COL6A5: variants seen among roughly 807,000 people sequenced by gnomAD.
COL6A5 encodes the protein collagen alpha-5(VI) chain.
Under a neutral mutation model 65.6 loss-of-function variants are expected in COL6A5, and 48 were observed. The ratio of observed to expected loss-of-function variants is 0.73; its 90% CI spans 0.58 to 0.93. The LOEUF (loss-of-function observed/expected upper bound fraction) is 0.93. Ranked by LOEUF, COL6A5 falls within the 40% of genes least tolerant of loss-of-function variation. The pLI is 0.00. For synonymous variants in COL6A5, 291 were observed against 322.8 expected (o/e 0.90, Z 1.05); for missense variants, 914 against 928.3 (o/e 0.98, Z 0.20).
exon 1 of COL6A5, chr3:130,345,876 C>G: frequency 2.5e-6 from 1 of 398,560 alleles, no homozygotes; most frequent in Non-Finnish European, 4.4e-6. Flanking sequence ...CCGCGGGCGC[C>G]CGAGAGGCGC....
intron 13 of COL6A5, among the ~76,000 whole-genome samples, chr3:130,404,703 G>A (rs1936926494): frequency 6.6e-6 from 1 of 152,218 alleles, no homozygotes; most frequent in African/African-American, 2.4e-5. Context: ...TCAGCAACCT[G>A]TGGCCATGGG....
chr3:130,400,056 C>T (rs187689121), intron 10 of COL6A5, among the ~76,000 whole-genome samples: 16 of 152,338 alleles, frequency 1.1e-4, no homozygotes, highest in Admixed American at 1.0e-3. Flanking sequence ...AGCCACTGTG[C>T]CTGGTCCCCA....
intron 5 of COL6A5, among the ~76,000 whole-genome samples, chr3:130,455,913 C>G (rs1246388417): frequency 2.6e-5 from 4 of 152,104 alleles, no homozygotes; most frequent in East Asian, 3.9e-4. Context: ...TAAGATTTCT[C>G]TAGCATCCAC....
intron 6 of COL6A5, 115 bp from the exon 7 acceptor site, chr3:130,391,064 T>G: frequency 2.8e-6 from 2 of 723,762 alleles, no homozygotes. Context: ...CTAAGTGAGA[T>G]ATAGTGTCTG....
chr3:130,375,474 A>G (rs1935729572), intron 2 of COL6A5, among the ~76,000 whole-genome samples: 2 of 151,854 alleles, frequency 1.3e-5, no homozygotes, highest in African/African-American at 4.8e-5. Context: ...TTTCTCTTAC[A>G]TTGCGCGCCC....
chr3:130,473,012 TATAGGAAAA>T (rs1262527825), intron 7 of COL6A5, among the ~76,000 whole-genome samples: 18 of 149,592 alleles, frequency 1.2e-4, no homozygotes, highest in Non-Finnish European at 1.9e-4. Context: ...GAGAAGTGAA[TATAGGAAAA>T]ATAGGAAAAA....
chr3:130,387,114 T>C (rs780532462), intron 5 of COL6A5, among the ~76,000 whole-genome samples: 39 of 152,052 alleles, frequency 2.6e-4, no homozygotes, highest in Non-Finnish European at 5.1e-4. Flanking sequence ...CCAGTTCTTA[T>C]CACCTTCCAT....
chr3:130,387,711 G>A (rs76481399), intron 5 of COL6A5, among the ~76,000 whole-genome samples: 1,618 of 152,052 alleles, frequency 0.011, 11 homozygotes, highest in South Asian at 0.069. Context: ...AGAATGTTGA[G>A]GGAGAAACTG....
chr3:130,427,102 TAACC>T (rs1937620172), upstream of COL6A5, among the ~76,000 whole-genome samples: 1 of 152,208 alleles, frequency 6.6e-6, no homozygotes, highest in Admixed American at 6.5e-5. Context: ...GAGAAAATAT[TAACC>T]AAATATAGTT....
chr3:130,418,678 GCTCTGGGC>G (rs1390027160), intron 24 of COL6A5, among the ~76,000 whole-genome samples, 183 bp from the exon 25 acceptor site: 1 of 151,990 alleles, frequency 6.6e-6, no homozygotes, highest in Non-Finnish European at 1.5e-5. Flanking sequence ...CACCAGTCCA[GCTCTGGGC>G]TGTGCTAGAC....
chr3:130,438,261 C>T (rs1229800702), intron 1 of COL6A5, among the ~76,000 whole-genome samples: 1 of 152,182 alleles, frequency 6.6e-6, no homozygotes, highest in Non-Finnish European at 1.5e-5. Flanking sequence ...TCCCAAAGTA[C>T]TAGGATTACA....
At chr3:130,381,339 T>C (rs933953675) in intron 4 of COL6A5, among the ~76,000 whole-genome samples, 2 of 152,146 alleles carry the variant, frequency 1.3e-5, no homozygotes, top group African/African-American at 4.8e-5. Flanking sequence ...TTTGAAACAT[T>C]CCTTTAGGTT....
exon 27 of COL6A5, chr3:130,421,343 G>A (rs773996405): frequency 6.4e-6 from 10 of 1,550,760 alleles, no homozygotes; most frequent in Non-Finnish European, 8.7e-6. Flanking sequence ...AGGATTCCCT[G>A]GAGATGCGGG....
At chr3:130,371,855 G>A (rs1291108421) in intron 1 of COL6A5, among the ~76,000 whole-genome samples, 2 of 152,096 alleles carry the variant, frequency 1.3e-5, no homozygotes, top group East Asian at 3.9e-4. Flanking sequence ...AAAATCACTT[G>A]TGCCTCAAAG....
At position 130,431,463 on chromosome 3, in the gene COL6A5, A is replaced by G. The variant is rs867640520; in HGVS notation, c.3A>G (p.Ter1=). 1.3e-6 allele frequency: 2 copies of G among 1,547,108 alleles called. No individual in the cohort carries two copies. Among genetic ancestry groups the G allele is most frequent in the South Asian group, 2.4e-5 (2 of 83,566 alleles). On this transcript the variant is annotated coding_sequence_variant, in exon 1 of 8. Coordinates refer to ENST00000512836, the Ensembl canonical transcript of COL6A5. Reference sequence around the variant, plus strand: ...TAATACTTCTGCTTTTCTTTTTTCTAGAAAAATGTCCAGCATATCCAACAG... The same window carrying G: ...TAATACTTCTGCTTTTCTTTTTTCTGGAAAAATGTCCAGCATATCCAACAG...
chr3:130,345,768 CG>C, exon 1 of COL6A5: 1 of 398,632 alleles, frequency 2.5e-6, no homozygotes, highest in African/African-American at 2.1e-5. Flanking sequence ...TCTCAGGGCA[CG>C]AGGCGTTCGC....
exon 3 of COL6A5, chr3:130,440,354 G>A (rs914947395): frequency 6.2e-7 from 1 of 1,613,366 alleles, no homozygotes; most frequent in African/African-American, 1.3e-5. Context: ...AGACTCTGGT[G>A]ATAGGATTGC....
At chr3:130,386,471 A>G (rs1936191427) in intron 5 of COL6A5, among the ~76,000 whole-genome samples, 1 of 152,118 alleles carries the variant, frequency 6.6e-6, no homozygotes, top group Non-Finnish European at 1.5e-5. Context: ...CCACTGAAAA[A>G]CAAAAATAAA....
At chr3:130,368,546 A>T (rs73214707) in intron 1 of COL6A5, among the ~76,000 whole-genome samples, 12,986 of 150,136 alleles carry the variant, frequency 0.086, 1,034 homozygotes, top group East Asian at 0.41. Context: ...TGTGTGAGAG[A>T]GTGTGTGTGT....
Sources: gnomAD v4.1 joint callset for allele counts (sites outside exome capture counted in the v4.1 genomes callset) on GRCh38, gnomAD v4.1.1 for gene constraint, MANE v1.5 for transcripts, NCBI Gene and HGNC (gene_info 2026-07-23, HGNC 2026-07-21) for gene names.